MAPRE2: variants seen among roughly 807,000 people sequenced by gnomAD.
The protein encoded by MAPRE2 is microtubule associated protein RP/EB family member 2.
In MAPRE2, 13 loss-of-function variants were observed where a neutral mutation model predicts 43.2. The ratio of observed to expected loss-of-function variants is 0.30; its 90% CI spans 0.20 to 0.48. The LOEUF (loss-of-function observed/expected upper bound fraction) is 0.48. MAPRE2 is among the 20% of genes least tolerant of loss of function. The pLI, the probability that MAPRE2 is intolerant of heterozygous loss-of-function variation, is 0.99. For synonymous variants in MAPRE2, 135 were observed against 148.8 expected, an observed-to-expected ratio of 0.91 and a Z score of 0.68; for missense variants, 161 against 400.2, an observed-to-expected ratio of 0.40 and a Z score of 5.10.
intron 1 of MAPRE2, among the ~76,000 whole-genome samples, chr18:34,999,535 AT>A (rs1230081950): frequency 6.6e-6 from 1 of 152,216 alleles, no homozygotes; most frequent in African/African-American, 2.4e-5. Flanking sequence ...TGTAACTATC[AT>A]TTTAGGTATT....
chr18:34,995,589 G>C (rs1355857455), intron 1 of MAPRE2, among the ~76,000 whole-genome samples: 1 of 152,330 alleles, frequency 6.6e-6, no homozygotes, highest in East Asian at 1.9e-4. Context: ...AACTCTGGGT[G>C]AGTATGTTAC....
intron 1 of MAPRE2, among the ~76,000 whole-genome samples, chr18:35,065,773 C>T (rs1225663714): frequency 6.6e-6 from 1 of 152,118 alleles, no homozygotes; most frequent in East Asian, 1.9e-4. Flanking sequence ...AGGCTGGTCT[C>T]GAACTCCGGA....
chr18:35,074,649 G>A (rs971471257), intron 2 of MAPRE2, among the ~76,000 whole-genome samples: 2 of 152,082 alleles, frequency 1.3e-5, no homozygotes, highest in African/African-American at 2.4e-5. Flanking sequence ...AAAATCACTG[G>A]GTCCAATGCT....
intron 1 of MAPRE2, among the ~76,000 whole-genome samples, chr18:34,991,157 C>A (rs957784445): frequency 1.6e-4 from 24 of 152,064 alleles, no homozygotes; most frequent in African/African-American, 4.8e-4. Flanking sequence ...GTTTTTCAAC[C>A]CTTGTCCACC....
intron 1 of MAPRE2, among the ~76,000 whole-genome samples, chr18:35,061,943 G>A (rs1332786441): frequency 1.3e-5 from 2 of 152,158 alleles, no homozygotes; most frequent in African/African-American, 2.4e-5. Context: ...CCTGCCTCTC[G>A]AGGTATTGAA....
intron 1 of MAPRE2, among the ~76,000 whole-genome samples, chr18:34,983,285 A>G (rs377265782): frequency 6.6e-6 from 1 of 152,206 alleles, no homozygotes. Context: ...AAAGCAGTAT[A>G]TTTCTAAATA....
At chr18:34,977,596 G>T (rs538671170) in intron 1 of MAPRE2, among the ~76,000 whole-genome samples, 1 of 152,204 alleles carries the variant, frequency 6.6e-6, no homozygotes, top group Non-Finnish European at 1.5e-5. Flanking sequence ...GCGCTCGCGC[G>T]CTTGGGAGCA....
Position 35,120,385 on chromosome 18 carries a change from T to G in MAPRE2, c.611-6563T>G, listed in dbSNP as rs1425995957. 2.0e-5 allele frequency among the ~76,000 whole-genome samples: 3 copies of G among 152,164 alleles called. No homozygotes were observed. In the East Asian group the frequency reaches 5.8e-4, roughly 29 times the overall value. On this transcript the variant is annotated intron_variant, in intron 4 of 6. Coordinates refer to ENST00000300249, the MANE Select transcript of MAPRE2 (RefSeq NM_014268.4). Reference sequence around the variant, plus strand: ...TCCTAAGGGCTGTAAACTGCCAATTTCAGAATTAAAAAACCAGCCTCCTAG... The same window carrying G: ...TCCTAAGGGCTGTAAACTGCCAATTGCAGAATTAAAAAACCAGCCTCCTAG...
chr18:34,991,499 A>G (rs747662087), intron 1 of MAPRE2, among the ~76,000 whole-genome samples: 7 of 152,198 alleles, frequency 4.6e-5, no homozygotes, highest in Admixed American at 3.9e-4. Flanking sequence ...AATTAGCCAC[A>G]CAGACTGCAA....
intron 1 of MAPRE2, among the ~76,000 whole-genome samples, chr18:35,050,602 T>G (rs1905888464): frequency 6.6e-6 from 1 of 152,198 alleles, no homozygotes; most frequent in Non-Finnish European, 1.5e-5. Context: ...AAATATCCTC[T>G]TTGCATTTTT....
intron 1 of MAPRE2, among the ~76,000 whole-genome samples, chr18:34,985,326 A>ATTATATT (rs1568961622): frequency 2.4e-4 from 9 of 37,430 alleles, no homozygotes; most frequent in African/African-American, 9.5e-4. Flanking sequence ...TTATATATAT[A>ATTATATT]ATATAATATA....
intron 2 of MAPRE2, among the ~76,000 whole-genome samples, chr18:35,007,838 A>G (rs1380162298): frequency 6.6e-6 from 1 of 152,234 alleles, no homozygotes; most frequent in African/African-American, 2.4e-5. Context: ...TTTTTTCAAT[A>G]AATGCAGTCA....
chr18:35,040,746 CT>C (rs953050263), upstream of MAPRE2, among the ~76,000 whole-genome samples: 6 of 152,096 alleles, frequency 3.9e-5, no homozygotes, highest in African/African-American at 1.4e-4. Flanking sequence ...TGGTGGTTAT[CT>C]TTTTTTAAAA....
intron 1 of MAPRE2, among the ~76,000 whole-genome samples, chr18:35,056,864 G>A (rs1906259127): frequency 6.6e-6 from 1 of 152,160 alleles, no homozygotes; most frequent in Non-Finnish European, 1.5e-5. Flanking sequence ...GCAGTATACT[G>A]TATTAAAAAT....
chr18:35,066,549 T>C (rs1483781658), intron 1 of MAPRE2, among the ~76,000 whole-genome samples: 1 of 152,250 alleles, frequency 6.6e-6, no homozygotes, highest in Non-Finnish European at 1.5e-5. Flanking sequence ...GGAAAAAATA[T>C]ATAAATGTTC....
At chr18:35,031,807 G>A (rs2097047974) in intron 2 of MAPRE2, among the ~76,000 whole-genome samples, 1 of 152,120 alleles carries the variant, frequency 6.6e-6, no homozygotes, top group African/African-American at 2.4e-5. Flanking sequence ...CAATTCTAGA[G>A]GAGCATACCT....
chr18:35,075,847 C>T (rs1383983738), intron 2 of MAPRE2, among the ~76,000 whole-genome samples: 1 of 152,058 alleles, frequency 6.6e-6, no homozygotes, highest in East Asian at 1.9e-4. Context: ...TCTAGTGTCT[C>T]TACTAATGCA....
At chr18:35,003,364 C>G (rs1257063690) in intron 1 of MAPRE2, among the ~76,000 whole-genome samples, 1 of 152,224 alleles carries the variant, frequency 6.6e-6, no homozygotes, top group African/African-American at 2.4e-5. Flanking sequence ...CTGCCAGACT[C>G]AATTAAAATC....
intron 2 of MAPRE2, among the ~76,000 whole-genome samples, chr18:35,083,695 C>T (rs1424339518): frequency 6.6e-6 from 1 of 152,168 alleles, no homozygotes; most frequent in Non-Finnish European, 1.5e-5. Context: ...CATTATCCTA[C>T]AAGAAATCAC....
Sources: gnomAD v4.1 joint callset for allele counts (sites outside exome capture counted in the v4.1 genomes callset) on GRCh38, gnomAD v4.1.1 for gene constraint, MANE v1.5 for transcripts, NCBI Gene and HGNC (gene_info 2026-07-23, HGNC 2026-07-21) for gene names.